The following HPSE2 variants were observed in gnomAD, a reference collection of about 807,000 sequenced individuals.
The protein encoded by HPSE2 is heparanase 2 (inactive), also known as inactive heparanase-2.
Under a neutral mutation model 60.5 loss-of-function variants are expected in HPSE2, and 38 were observed. That is an observed-to-expected ratio of 0.63 (90% CI 0.48 to 0.82). The LOEUF is 0.82. Ranked by LOEUF, HPSE2 falls within the 40% of genes least tolerant of loss-of-function variation. HPSE2 has a pLI of 0.00. For missense variants in HPSE2, 713 were observed against 740.4 expected, an observed-to-expected ratio of 0.96 and a Z score of 0.43; for synonymous variants, 295 against 293.2, an observed-to-expected ratio of 1.01 and a Z score of -0.06.
chr10:98,693,780 T>C, intron 6 of HPSE2, 120 bp downstream of exon 6: 7 of 877,874 alleles, frequency 8.0e-6, no homozygotes, highest in Non-Finnish European at 1.4e-5. Flanking sequence ...TACTTTCAAA[T>C]TTTTTCCTGG....
chr10:99,048,606 A>C (rs950392160), intron 3 of HPSE2, among the ~76,000 whole-genome samples: 2 of 152,152 alleles, frequency 1.3e-5, no homozygotes, highest in African/African-American at 4.8e-5. Flanking sequence ...TGTAGAGAAA[A>C]GGGGGTGCTT....
chr10:99,307,409 C>G, the HPSE2 span, among the ~76,000 whole-genome samples: 1 of 152,192 alleles, frequency 6.6e-6, no homozygotes, highest in Non-Finnish European at 1.5e-5. Flanking sequence ...ATGGTAGCCC[C>G]TGTTTTATAG....
At chr10:98,702,705 A>G (rs7919776) in intron 5 of HPSE2, among the ~76,000 whole-genome samples, 108,564 of 152,082 alleles carry the variant, frequency 0.71, 40,779 homozygotes, top group South Asian at 0.95. Flanking sequence ...TAATTAAACT[A>G]AGGAAGAAAT....
intron 11 of HPSE2, among the ~76,000 whole-genome samples, chr10:98,470,127 A>G (rs1021839856): frequency 7.5e-4 from 69 of 91,436 alleles, no homozygotes; most frequent in African/African-American, 3.8e-3. Flanking sequence ...GTGTGTGTGT[A>G]TGCACACATG....
Position 98,580,836 on chromosome 10 carries a change from A to ATATATATATATATGTGTGTGTGTGTG in HPSE2, c.1320+34067_1320+34068insCACACACACACACATATATATATATA. ...GTTGTGCTTGGTTTTATATATATAT[A>ATATATATATATATGTGTGTGTGTGTG]TGTGTGTGTGTGTGTGTGTGTGTGT... On this transcript the variant is annotated intron_variant, in intron 9 of 11. Coordinates refer to ENST00000370552, the MANE Select transcript of HPSE2 (RefSeq NM_021828.5). Among the ~76,000 whole-genome samples, 177 of 119,530 alleles carry ATATATATATATATGTGTGTGTGTGTG rather than the reference A, an allele frequency of 1.5e-3. 1 individual carries two copies. The highest frequency in any genetic ancestry group is 5.5e-3 in the African/African-American group (154 of 27,914). 78.4% of individuals were successfully genotyped at this position (119,530 alleles called of 152,430 possible).
chr10:98,763,223 G>A (rs575963174), intron 3 of HPSE2, among the ~76,000 whole-genome samples: 3 of 151,974 alleles, frequency 2.0e-5, no homozygotes, highest in Admixed American at 6.6e-5. Context: ...TAAGACTCAT[G>A]TCATTGGCAT....
At chr10:98,946,491 GA>G in intron 3 of HPSE2, among the ~76,000 whole-genome samples, 1 of 146,666 alleles carries the variant, frequency 6.8e-6, no homozygotes, top group South Asian at 2.2e-4. Context: ...AAAAAAAACA[GA>G]AAAGAAATAA....
At chr10:98,636,798 GA>G (rs1374679465) in intron 7 of HPSE2, among the ~76,000 whole-genome samples, 1 of 152,140 alleles carries the variant, frequency 6.6e-6, no homozygotes, top group Non-Finnish European at 1.5e-5. Context: ...TGTGCTTATT[GA>G]ATTACTGAAA....
At chr10:99,195,810 T>A in intron 2 of HPSE2, among the ~76,000 whole-genome samples, 1 of 151,276 alleles carries the variant, frequency 6.6e-6, no homozygotes, top group Non-Finnish European at 1.5e-5. Context: ...TTCAATGCAA[T>A]CCCTATCAAA....
At chr10:98,698,476 G>C (rs1424872683) in intron 5 of HPSE2, among the ~76,000 whole-genome samples, 1 of 151,914 alleles carries the variant, frequency 6.6e-6, no homozygotes, top group Admixed American at 6.6e-5. Context: ...GAATCTCTGG[G>C]ACACATTCAA....
chr10:98,782,961 C>CT (rs1950515059), intron 3 of HPSE2, among the ~76,000 whole-genome samples: 1 of 91,532 alleles, frequency 1.1e-5, no homozygotes, highest in Non-Finnish European at 2.1e-5. Flanking sequence ...TTATTATACT[C>CT]TAAGTTTTAG....
intron 2 of HPSE2, among the ~76,000 whole-genome samples, chr10:99,229,818 TAC>T (rs1416173247): frequency 2.0e-5 from 3 of 152,250 alleles, no homozygotes; most frequent in African/African-American, 7.2e-5. Context: ...AAGTGCTTAC[TAC>T]AGGACCATTT....
At chr10:99,016,520 G>A (rs2496704) in intron 3 of HPSE2, among the ~76,000 whole-genome samples, 21,143 of 151,946 alleles carry the variant, frequency 0.14, 1,848 homozygotes, top group Admixed American at 0.22. Flanking sequence ...GCTCTTTTTT[G>A]GTTCCATATG....
intron 2 of HPSE2, among the ~76,000 whole-genome samples, chr10:99,218,474 A>T: frequency 6.6e-6 from 1 of 151,964 alleles, no homozygotes; most frequent in Non-Finnish European, 1.5e-5. Context: ...TGAGTTTTCA[A>T]TCGTTCTGTT....
At chr10:98,960,787 G>T (rs1955656327) in intron 3 of HPSE2, among the ~76,000 whole-genome samples, 1 of 120,176 alleles carries the variant, frequency 8.3e-6, no homozygotes, top group Non-Finnish European at 1.7e-5. Context: ...TGTGCATATT[G>T]TGCAGGTTAG....
chr10:98,990,354 C>T (rs1378332536), intron 3 of HPSE2, among the ~76,000 whole-genome samples: 1 of 152,228 alleles, frequency 6.6e-6, no homozygotes, highest in Non-Finnish European at 1.5e-5. Flanking sequence ...GAGTACACAA[C>T]CTAGATCCCT....
chr10:98,838,366 G>A, intron 3 of HPSE2, among the ~76,000 whole-genome samples: 1 of 151,994 alleles, frequency 6.6e-6, no homozygotes, highest in East Asian at 1.9e-4. Flanking sequence ...CAGAGAGCCT[G>A]GCACATAGCT....
the HPSE2 span, among the ~76,000 whole-genome samples, chr10:99,256,733 C>T: frequency 6.6e-6 from 1 of 152,172 alleles, no homozygotes; most frequent in South Asian, 2.1e-4. Context: ...TAAGAAGCTA[C>T]TAGAACTAAT....
intron 2 of HPSE2, among the ~76,000 whole-genome samples, chr10:99,178,132 A>C (rs914973611): frequency 6.6e-6 from 1 of 151,982 alleles, no homozygotes; most frequent in Non-Finnish European, 1.5e-5. Context: ...TTTAGGAGGA[A>C]ATTTATAGCA....
Sources: gnomAD v4.1 joint callset for allele counts (sites outside exome capture counted in the v4.1 genomes callset) on GRCh38, gnomAD v4.1.1 for gene constraint, MANE v1.5 for transcripts, NCBI Gene and HGNC (gene_info 2026-07-23, HGNC 2026-07-21) for gene names.